The following AMOT variants were observed in gnomAD, a reference collection of about 807,000 sequenced individuals.
AMOT encodes angiomotin.
AMOT carries 11 observed loss-of-function variants against 67.0 expected under a neutral mutation model. That is an observed-to-expected ratio of 0.16 (90% confidence interval 0.10 to 0.27). The LOEUF is 0.27. Ranked by LOEUF, AMOT falls within the 10% of genes least tolerant of loss-of-function variation. The pLI is 1.00. For missense variants in AMOT, 753 were observed against 852.0 expected (o/e 0.88, Z 1.45); for synonymous variants, 326 against 321.4 (o/e 1.01, Z -0.15).
chrX:112,835,441 A>G (rs762029450), intron 1 of AMOT, among the ~76,000 whole-genome samples: 28 of 110,912 alleles, frequency 2.5e-4, no homozygotes, highest in Non-Finnish European at 4.0e-4. Flanking sequence ...CTCCAGGATC[A>G]TATATTACAA....
chrX:112,806,175 A>T (rs916838623), intron 7 of AMOT, among the ~76,000 whole-genome samples: 2 of 108,638 alleles, frequency 1.8e-5, no homozygotes, highest in African/African-American at 3.4e-5. Flanking sequence ...CTGAGGCAGG[A>T]GGCTGAGGCT....
intron 11 of AMOT, 121 bp downstream of exon 11, chrX:112,782,419 T>C: frequency 1.0e-6 from 1 of 956,883 alleles, no homozygotes; most frequent in African/African-American, 1.9e-5. Context: ...AGTGACAGGC[T>C]GGCAGGGGTG....
chrX:112,784,944 C>A (rs906282509), intron 10 of AMOT, among the ~76,000 whole-genome samples: 1 of 111,753 alleles, frequency 8.9e-6, no homozygotes, highest in African/African-American at 3.3e-5. Flanking sequence ...TTGATATGGA[C>A]ACTGTTAACT....
chrX:112,808,181 G>C (rs1052137991), intron 7 of AMOT, among the ~76,000 whole-genome samples: 1 of 112,182 alleles, frequency 8.9e-6, no homozygotes, highest in Admixed American at 9.4e-5. Context: ...ACCAGGTATT[G>C]TACTAGCTTA....
In AMOT at chrX:112,779,625, A is replaced by G; in HGVS notation, c.2529T>C (p.Pro843=). 8.3e-7 allele frequency: 1 copy of G among 1,211,135 alleles called. No individual in the cohort carries two copies. The highest frequency in any genetic ancestry group is 3.0e-5 in the East Asian group (1 of 33,831). ...AGAGCAGGGGAGTCGAGGGTGGCAC[A>G]GGCGAGGGTGTGGAAGGGACATATT... ...RAEYVPSTPS[P]VPPSTPLLSA... is the part of the protein sequence containing the mutation. Residue 843 remains proline, a synonymous_variant, in exon 13 of 14, where the codon CCT becomes CCC. Coordinates refer to ENST00000371959, the MANE Select transcript of AMOT (RefSeq NM_001113490.2).
At chrX:112,828,194 A>G (rs1264244828) in intron 2 of AMOT, among the ~76,000 whole-genome samples, 1 of 109,964 alleles carries the variant, frequency 9.1e-6, no homozygotes, top group Non-Finnish European at 1.9e-5. Flanking sequence ...GATGTGAAAA[A>G]CAATGGTCCT....
At position 112,777,026 on chromosome X, in the gene AMOT, T is replaced by C. The variant is rs907734721; in HGVS notation, c.*1541A>G. On this transcript the variant is annotated 3_prime_UTR_variant, in exon 14 of 14. Coordinates refer to ENST00000371959, the MANE Select transcript of AMOT (RefSeq NM_001113490.2). ...CTAAAATGAGGAGGTAGGGCTATAT[T>C]GCTAAAGTTCTTTCCCACCACTATG... 1 of 111,487 alleles carries C rather than the reference T, an allele frequency of 9.0e-6. No homozygotes were observed. The highest frequency in any genetic ancestry group is 1.9e-5 in the Non-Finnish European group (1 of 53,068). 9.2% of individuals were successfully genotyped at this position (111,487 alleles called of 1,213,427 possible).
At chrX:112,794,538 G>A (rs1435368948) in intron 8 of AMOT, among the ~76,000 whole-genome samples, 1 of 111,548 alleles carries the variant, frequency 9.0e-6, no homozygotes, top group Non-Finnish European at 1.9e-5. Flanking sequence ...GACAACTCTT[G>A]CATGTGACCA....
In AMOT at chrX:112,822,839, C is replaced by T. The variant is rs1282079608; in HGVS notation, c.288G>A (p.Leu96=). ...CTTCATTATTTTGCATTCGAGGAGACAGCTGCTTCTCCATGATGAGGTTTT... is the reference window on the plus strand; with the variant it reads ...CTTCATTATTTTGCATTCGAGGAGATAGCTGCTTCTCCATGATGAGGTTTT... The part of the protein sequence containing the change: ...QSENLIMEKQ[L]SPRMQNNEEL... The change falls in exon 4 of 14, where the codon CTG becomes CTA. Residue 96 remains leucine (L), a synonymous_variant. Transcript: ENST00000371959. The T allele has an allele frequency of 8.6e-7, 1 of 1,167,789 alleles. No homozygotes were observed. The highest frequency in any genetic ancestry group is 1.1e-6 in the Non-Finnish European group (1 of 873,083).
chrX:112,837,288 C>T (rs1935153606), intron 1 of AMOT, among the ~76,000 whole-genome samples: 1 of 111,764 alleles, frequency 8.9e-6, no homozygotes, highest in Admixed American at 9.5e-5. Flanking sequence ...TTTCAAAGGC[C>T]AAATAATGGC....
chrX:112,830,338 G>C (rs1034963899), intron 2 of AMOT, among the ~76,000 whole-genome samples: 1 of 112,212 alleles, frequency 8.9e-6, no homozygotes, highest in Non-Finnish European at 1.9e-5. Context: ...TTAAACAAGT[G>C]TATCAGCATT....
rs1934758098 is a variant in AMOT at position 112,823,153 on chromosome X, G to A, written c.-27C>T. 2 of 1,124,628 alleles carry A rather than the reference G, an allele frequency of 1.8e-6. No individual in the cohort carries two copies. The highest frequency in any genetic ancestry group is 1.8e-5 in the African/African-American group (1 of 54,547). 92.7% of individuals were successfully genotyped at this position (1,124,628 alleles called of 1,213,427 possible). A position where few individuals can be genotyped will look rare whatever the true frequency, so the allele number is the denominator to read the frequency against. On this transcript the variant is annotated 5_prime_UTR_variant, in exon 4 of 14. Coordinates refer to ENST00000371959, the MANE Select transcript of AMOT (RefSeq NM_001113490.2). ...TCTATTGCTGGTGGTGCCTTGTGAA[G>A]AGAGAGAGAAATTGGGCACCTGGGC... is the stretch of plus-strand genomic sequence containing the variant.
At chrX:112,813,265 T>C (rs1437077416) in intron 5 of AMOT, among the ~76,000 whole-genome samples, 3 of 111,520 alleles carry the variant, frequency 2.7e-5, no homozygotes, top group Non-Finnish European at 5.7e-5. Context: ...CAGCTCTCAA[T>C]AGGGCCTTCC....
chrX:112,830,741 C>T (rs1430271858), intron 2 of AMOT, among the ~76,000 whole-genome samples: 2 of 111,548 alleles, frequency 1.8e-5, no homozygotes, highest in African/African-American at 6.5e-5. Flanking sequence ...ATGCACTTGC[C>T]CCAAATTGCC....
intron 11 of AMOT, 41 bp downstream of exon 11, chrX:112,782,499 T>C: frequency 8.3e-7 from 1 of 1,209,070 alleles, no homozygotes; most frequent in Non-Finnish European, 1.1e-6. Context: ...GGTCTCTATA[T>C]CAATGTCTCA....
At position 112,778,055 on chromosome X, in the gene AMOT, C is replaced by T. The variant is rs188082902; in HGVS notation, c.*512G>A. The T allele has an allele frequency of 1.8e-5, 2 of 111,766 alleles. No individual in the cohort carries two copies. Among genetic ancestry groups the T allele is most frequent in the African/African-American group, 3.3e-5 (1 of 30,583 alleles). The allele number at this position is 111,766 out of a possible 1,213,427, so 9.2% of individuals were successfully genotyped here. On this transcript the variant is annotated 3_prime_UTR_variant, in exon 14 of 14. Coordinates refer to ENST00000371959, the MANE Select transcript of AMOT (RefSeq NM_001113490.2). ...CCAAAACTCCCTACCTTTTTTCCAG[C>T]TTACATAGCTCCTGAAACTATTCCC...
At chrX:112,832,693 C>G (rs898502320) in intron 1 of AMOT, among the ~76,000 whole-genome samples, 1 of 111,993 alleles carries the variant, frequency 8.9e-6, no homozygotes, top group Admixed American at 9.4e-5. Flanking sequence ...ATCTGTTTCC[C>G]CACGCCAACA....
At chrX:112,824,740 T>C (rs1429732325) in intron 3 of AMOT, among the ~76,000 whole-genome samples, 1 of 111,309 alleles carries the variant, frequency 9.0e-6, no homozygotes, top group African/African-American at 3.3e-5. Flanking sequence ...ACTCCTGTAC[T>C]TGAACTGTCA....
Position 112,779,239 on chromosome X carries a change from G to A in AMOT, c.2915C>T (p.Ala972Val). 1.5e-6 allele frequency: 1 copy of A among 669,887 alleles called. No individual in the cohort carries two copies. 55.2% of individuals were successfully genotyped at this position (669,887 alleles called of 1,213,427 possible). The change falls in exon 13 of 14, where the codon GCT (alanine) becomes GTT (valine). Residue 972 changes from alanine (A) to valine (V), a missense_variant. This residue lies in a region of AMOT where 269 missense variants were observed against 300.9 expected (regional missense o/e 0.89). Transcript: ENST00000371959. ...SAAAAAAVQV[A>V]PAAPAPVPAP... ...TGGAACTGGAGCCGGAGCAGCTGGA[G>A]CAACCTGAACAGCAGCAGCAGCAGC...
Sources: allele counts gnomAD v4.1 joint callset (sites outside exome capture counted in the v4.1 genomes callset), GRCh38; gene constraint gnomAD v4.1.1; regional missense constraint gnomAD v4.1.1; transcripts MANE v1.5; gene names NCBI Gene and HGNC (gene_info 2026-07-23, HGNC 2026-07-21).